Variants in MLLT10 observed in about 807,000 individuals in gnomAD.
MLLT10 encodes MLLT10 histone lysine methyltransferase DOT1L cofactor.
A neutral mutation model predicts 129.1 loss-of-function variants in MLLT10; 30 were observed. The observed-to-expected ratio is 0.23, with a 90% CI of 0.17 to 0.32. The LOEUF is 0.32. Ranked by LOEUF, MLLT10 falls within the 10% of genes least tolerant of loss-of-function variation. MLLT10 has a pLI of 1.00. For synonymous variants in MLLT10, 490 were observed against 446.4 expected (o/e 1.10, Z -1.23); for missense variants, 1,119 against 1,268.3 (o/e 0.88, Z 1.79).
chr10:21,697,842 G>C (rs992592199), intron 13 of MLLT10, among the ~76,000 whole-genome samples: 4 of 152,184 alleles, frequency 2.6e-5, no homozygotes, highest in Non-Finnish European at 5.9e-5. Context: ...CAAAGGGAAA[G>C]GGAAGACCGA....
intron 3 of MLLT10, among the ~76,000 whole-genome samples, chr10:21,573,563 G>A (rs1468968969): frequency 2.0e-5 from 3 of 151,706 alleles, no homozygotes; most frequent in Admixed American, 6.6e-5. Flanking sequence ...CAAATGTTAC[G>A]CTAAATGCCA....
chr10:21,644,341 T>G (rs2131302698), intron 8 of MLLT10, among the ~76,000 whole-genome samples: 1 of 152,328 alleles, frequency 6.6e-6, no homozygotes, highest in East Asian at 1.9e-4. Flanking sequence ...CTTATTCCAT[T>G]ATAATTTACG....
intron 8 of MLLT10, among the ~76,000 whole-genome samples, chr10:21,647,121 G>C (rs996175136): frequency 6.6e-6 from 1 of 152,098 alleles, no homozygotes; most frequent in Non-Finnish European, 1.5e-5. Flanking sequence ...CTCCCAAAGT[G>C]CTGGGATTAC....
intron 6 of MLLT10, among the ~76,000 whole-genome samples, chr10:21,613,915 A>AT (rs2044942896): frequency 6.6e-6 from 1 of 151,726 alleles, no homozygotes; most frequent in African/African-American, 2.4e-5. Context: ...AAAAAAAAAA[A>AT]CAAAAAACAA....
intron 21 of MLLT10, 21 bp downstream of exon 21, chr10:21,735,256 A>G (rs540764932): frequency 1.3e-5 from 20 of 1,536,646 alleles, no homozygotes; most frequent in Non-Finnish European, 1.8e-5. Context: ...TCTTTTGATA[A>G]TATCTTATTA....
chr10:21,678,281 T>A (rs1478714805), intron 11 of MLLT10, among the ~76,000 whole-genome samples: 1 of 152,070 alleles, frequency 6.6e-6, no homozygotes, highest in Non-Finnish European at 1.5e-5. Flanking sequence ...ATTTTTGTAT[T>A]TTTAATAGAG....
rs935239932 is a variant in MLLT10, at chr10:21,647,700, G to C, written c.700-3973G>C. 2.5e-4 allele frequency among the ~76,000 whole-genome samples: 37 copies of C among 150,634 alleles called. 1 individual carries two copies. In the East Asian group the frequency reaches 6.5e-3, roughly 26 times the overall value. On this transcript the variant is annotated intron_variant, in intron 8 of 22. Transcript: ENST00000307729. Reference sequence around the variant, plus strand: ...CTGTTTACTGGCTCTTTTTTTTTGCGGGGGGCGGGGGGATTGCCCAGTCAT... The same window carrying C: ...CTGTTTACTGGCTCTTTTTTTTTGCCGGGGGCGGGGGGATTGCCCAGTCAT...
At chr10:21,587,148 C>T (rs1423402496) in intron 4 of MLLT10, among the ~76,000 whole-genome samples, 1 of 151,704 alleles carries the variant, frequency 6.6e-6, no homozygotes, top group Non-Finnish European at 1.5e-5. Context: ...ACCTGTAATC[C>T]CAGCTCTTTG....
At chr10:21,707,715 C>T (rs2055669162) in intron 13 of MLLT10, among the ~76,000 whole-genome samples, 1 of 152,202 alleles carries the variant, frequency 6.6e-6, no homozygotes, top group African/African-American at 2.4e-5. Flanking sequence ...TTGGTGTCTT[C>T]CTACTGATCT....
In MLLT10 at chr10:21,678,253, C is replaced by T. The variant is rs557926010; in HGVS notation, c.1622-3079C>T. On this transcript the variant is annotated intron_variant, in intron 11 of 22. Coordinates refer to ENST00000307729, the MANE Select transcript of MLLT10 (RefSeq NM_001195626.3). ...CCTAGTAGCTGGGACTACAGGTGCG[C>T]GCCACCACACTCAGCTAATTTTTGT... is the stretch of plus-strand genomic sequence containing the variant. 9.9e-5 allele frequency among the ~76,000 whole-genome samples: 15 copies of T among 151,988 alleles called. No homozygotes were observed. The East Asian group carries it at 1.4e-3, about 14-fold the overall frequency.
At chr10:21,710,648 A>G (rs775462494) in intron 13 of MLLT10, among the ~76,000 whole-genome samples, 5 of 152,130 alleles carry the variant, frequency 3.3e-5, no homozygotes, top group Admixed American at 3.3e-4. Context: ...TATATGTAGG[A>G]GTTCTGTGTC....
chr10:21,583,961 C>T (rs1227341515), intron 3 of MLLT10, among the ~76,000 whole-genome samples: 2 of 152,088 alleles, frequency 1.3e-5, no homozygotes, highest in African/African-American at 4.8e-5. Flanking sequence ...GCTCCGCCTC[C>T]TGGGTTCACG....
chr10:21,717,099 C>T (rs970265978), intron 14 of MLLT10, among the ~76,000 whole-genome samples: 4 of 150,274 alleles, frequency 2.7e-5, no homozygotes, highest in African/African-American at 9.8e-5. Context: ...ACTAAAAATA[C>T]AAAATTAGCC....
intron 3 of MLLT10, among the ~76,000 whole-genome samples, chr10:21,575,287 G>A (rs947877195): frequency 3.9e-5 from 6 of 152,026 alleles, no homozygotes; most frequent in African/African-American, 1.2e-4. Flanking sequence ...TGCATCCCGG[G>A]TTCAAGCGAT....
At chr10:21,676,691 A>G (rs2052171066) in intron 11 of MLLT10, among the ~76,000 whole-genome samples, 1 of 126,130 alleles carries the variant, frequency 7.9e-6, no homozygotes, top group Admixed American at 9.7e-5. Flanking sequence ...ACTGCACTCC[A>G]GCCTGGGAGA....
intron 3 of MLLT10, among the ~76,000 whole-genome samples, chr10:21,565,807 T>A (rs975762406): frequency 2.6e-5 from 4 of 151,782 alleles, no homozygotes; most frequent in Non-Finnish European, 5.9e-5. Context: ...AGTCTTGTTA[T>A]GTTGCCCAGC....
chr10:21,608,797 T>TA (rs2044314537), intron 5 of MLLT10, among the ~76,000 whole-genome samples: 1 of 152,202 alleles, frequency 6.6e-6, no homozygotes, highest in Non-Finnish European at 1.5e-5. Context: ...TTTTGAGTCT[T>TA]TTAAATAAAA....
chr10:21,659,239 T>G (rs770017718), intron 9 of MLLT10, among the ~76,000 whole-genome samples: 15 of 152,164 alleles, frequency 9.9e-5, no homozygotes, highest in Non-Finnish European at 1.8e-4. Flanking sequence ...TTTACAAGCT[T>G]TTAAAACTAT....
intron 13 of MLLT10, chr10:21,708,534 A>C (rs527765099): frequency 3.1e-6 from 3 of 974,238 alleles, no homozygotes; most frequent in Admixed American, 1.2e-4. Context: ...CTGCCTTGAT[A>C]GGAAAGGAAC....
Sources: gnomAD v4.1 joint callset for allele counts (sites outside exome capture counted in the v4.1 genomes callset) on GRCh38, gnomAD v4.1.1 for gene constraint, MANE v1.5 for transcripts, NCBI Gene and HGNC (gene_info 2026-07-23, HGNC 2026-07-21) for gene names.